PCDH1: variants seen among roughly 807,000 people sequenced by gnomAD.
The protein encoded by PCDH1 is protocadherin 1, also known as protocadherin-1.
PCDH1 carries 23 observed loss-of-function variants against 74.6 expected under a neutral mutation model. That is an observed-to-expected ratio of 0.31 (90% confidence interval 0.22 to 0.44). The LOEUF is 0.44. Ranked by LOEUF, PCDH1 falls within the 20% of genes least tolerant of loss-of-function variation. PCDH1 has a pLI of 1.00. For missense variants in PCDH1, 1,214 were observed against 1,641.4 expected, an observed-to-expected ratio of 0.74 and a Z score of 4.50; for synonymous variants, 647 against 686.1, an observed-to-expected ratio of 0.94 and a Z score of 0.89.
At chr5:141,873,009 C>T (rs750262455) in intron 1 of PCDH1, among the ~76,000 whole-genome samples, 1 of 152,126 alleles carries the variant, frequency 6.6e-6, no homozygotes, top group Non-Finnish European at 1.5e-5. Context: ...CCTTAGGAAT[C>T]TTTATTCAGG....
Position 141,854,036 on chromosome 5 carries a change from G to T in PCDH1, c.*6C>A. 3 of 1,494,538 alleles carry T rather than the reference G, an allele frequency of 2.0e-6. No homozygotes were observed. Among genetic ancestry groups the T allele is most frequent in the Non-Finnish European group, 2.7e-6 (3 of 1,122,492 alleles). 92.6% of individuals were successfully genotyped at this position (1,494,538 alleles called of 1,614,324 possible). A position where few individuals can be genotyped will look rare whatever the true frequency, so the allele number is the denominator to read the frequency against. The stretch of plus-strand genomic sequence containing the variant: ...GGGGAGGGGGGCCGGCCGGCCAGTA[G>T]GGGGCTCACAGGTAGATCTCGCGCT... On this transcript the variant is annotated 3_prime_UTR_variant, in exon 5 of 5. Coordinates refer to ENST00000287008, the MANE Select transcript of PCDH1 (RefSeq NM_032420.5).
intron 2 of PCDH1, chr5:141,866,329 C>G: frequency 2.9e-6 from 2 of 680,240 alleles, no homozygotes; most frequent in South Asian, 6.6e-5. Context: ...GGGCTCCCAG[C>G]ATCAAACAAT....
chr5:141,865,831 G>A lies in PCDH1; in HGVS notation c.904-404C>T, dbSNP rs1441040567. 6.6e-6 allele frequency among the ~76,000 whole-genome samples: 1 copy of A among 152,258 alleles called. No individual in the cohort carries two copies. Among genetic ancestry groups the A allele is most frequent in the Non-Finnish European group, 1.5e-5 (1 of 68,048 alleles). On this transcript the variant is annotated intron_variant, in intron 2 of 4. Transcript: ENST00000287008. The surrounding 1 kb of genome is among the most constrained non-coding windows in gnomAD (Gnocchi z 4.4). ...AACCCTCCTGAAGAGATGGAGAGGT[G>A]CGAGTAGTAGAGGCGGTGTGTGTGC...
chr5:141,857,579 G>T, intron 3 of PCDH1, 108 bp from the exon 4 acceptor site: 1 of 876,258 alleles, frequency 1.1e-6, no homozygotes, highest in Non-Finnish European at 1.7e-6. Flanking sequence ...GGCTTCAACA[G>T]CAACCAAGAA....
chr5:141,872,899 T>C (rs530447367), intron 1 of PCDH1, among the ~76,000 whole-genome samples: 1 of 151,886 alleles, frequency 6.6e-6, no homozygotes, highest in African/African-American at 2.4e-5. Context: ...GAAAACAGGG[T>C]TGGGGGAGAG....
chr5:141,869,412 A>G lies in PCDH1; in HGVS notation c.60T>C (p.Pro20=), dbSNP rs1441496936. Residue 20 remains proline, a synonymous_variant, in exon 2 of 5, where the codon CCT becomes CCC. Transcript: ENST00000287008. This position sits in a 1 kb window ranked among gnomAD's most constrained non-coding sequence, Gnocchi z 4.9. ...TGTGCCTCAGGTGCTCCATCCTGGG[A>G]GGCCCCAGAATCAGGAGGGCTGCAA... is the stretch of plus-strand genomic sequence containing the variant. ...CPEAALLILG[P]PRMEHLRHSP... 11 of 1,597,930 alleles carry G rather than the reference A, an allele frequency of 6.9e-6. No individual in the cohort carries two copies. Among genetic ancestry groups the G allele is most frequent in the Non-Finnish European group, 8.5e-6 (10 of 1,178,488 alleles).
At position 141,868,718 on chromosome 5, in the gene PCDH1, C is replaced by T; in HGVS notation, c.754G>A (p.Val252Met). The part of the protein sequence containing the change: ...RWDSYDLTIK[V>M]QDGGSPPRAS... The stretch of plus-strand genomic sequence containing the variant: ...CGTGGGGGGCTGCCGCCATCCTGCA[C>T]CTTGATGGTGAGGTCATAGGAGTCC... The change falls in exon 2 of 5, where the codon GTG becomes ATG. Residue 252 changes from valine to methionine, a missense_variant. Physicochemically the swap from Val to Met is conservative, Grantham distance 21. Around this residue, in one of 4 missense-constraint regions of PCDH1, gnomAD observed 836 missense variants for 1,182.2 expected, o/e 0.71. Coordinates refer to ENST00000287008, the MANE Select transcript of PCDH1 (RefSeq NM_032420.5). This position sits in a 1 kb window ranked among gnomAD's most constrained non-coding sequence, Gnocchi z 4.8. 1 of 1,614,128 alleles carries T rather than the reference C, an allele frequency of 6.2e-7. No homozygotes were observed. The highest frequency in any genetic ancestry group is 1.3e-5 in the African/African-American group (1 of 75,040).
At position 141,858,457 on chromosome 5, in the gene PCDH1, AG is replaced by A. The variant is rs1752444670; in HGVS notation, c.3100-987del. Among the ~76,000 whole-genome samples the A allele has an allele frequency of 2.0e-5, 3 of 152,080 alleles. No individual in the cohort carries two copies. The South Asian group carries it at 6.2e-4, about 32-fold the overall frequency. On this transcript the variant is annotated intron_variant, in intron 3 of 4. Transcript: ENST00000287008. The stretch of plus-strand genomic sequence containing the variant: ...AGACTCCTTCCAGGAAATAGGAAGG[AG>A]CTTCTGGGAGGGCTGCTGGCATGAG...
chr5:141,876,387 G>A (rs1378973676), intron 1 of PCDH1, among the ~76,000 whole-genome samples: 1 of 152,228 alleles, frequency 6.6e-6, no homozygotes, highest in Non-Finnish European at 1.5e-5. Context: ...CGGCGCAGCG[G>A]GCGCCAGGAG....
Position 141,865,146 on chromosome 5 carries a change from C to T in PCDH1, c.1185G>A (p.Val395=), listed in dbSNP as rs1190200648. The change falls in exon 3 of 5, where the codon GTG becomes GTA. Residue 395 remains valine, a synonymous_variant. Coordinates refer to ENST00000287008, the MANE Select transcript of PCDH1 (RefSeq NM_032420.5). The surrounding 1 kb of genome is among the most constrained non-coding windows in gnomAD (Gnocchi z 4.4). ...PTIEIRGIGL[V]THQDGMANIS... ...TGTTAGCCATCCCATCTTGATGAGT[C>T]ACTAGCCCTATGCCCCGGATCTCAA... The T allele has an allele frequency of 2.8e-5, 46 of 1,614,052 alleles. No individual in the cohort carries two copies. The highest frequency in any genetic ancestry group is 3.9e-5 in the Non-Finnish European group (46 of 1,180,036).
At position 141,865,713 on chromosome 5, in the gene PCDH1, A is replaced by T. The variant is rs549327951; in HGVS notation, c.904-286T>A. On this transcript the variant is annotated intron_variant, in intron 2 of 4. Transcript: ENST00000287008. The surrounding 1 kb of genome is among the most constrained non-coding windows in gnomAD (Gnocchi z 4.4). ...ATGGGACAGGGCAGAATTAAACCTCACTTGTCATTGCTGTATGGGTCCACA... is the reference window on the plus strand; with the variant it reads ...ATGGGACAGGGCAGAATTAAACCTCTCTTGTCATTGCTGTATGGGTCCACA... Among the ~76,000 whole-genome samples, 26 of 152,172 alleles carry T rather than the reference A, an allele frequency of 1.7e-4. No individual in the cohort carries two copies. Among genetic ancestry groups the T allele is most frequent in the Non-Finnish European group, 3.4e-4 (23 of 68,042 alleles).
At chr5:141,866,210 C>T (rs1453447239) in intron 2 of PCDH1, 2 of 985,406 alleles carry the variant, frequency 2.0e-6, no homozygotes, top group Non-Finnish European at 2.4e-6. Flanking sequence ...AGCAACTTCT[C>T]CTCCCGACTG....
chr5:141,868,866 C>T lies in PCDH1; in HGVS notation c.606G>A (p.Val202=), dbSNP rs765103837. The part of the protein sequence containing the change: ...ASDRDAGPNG[V]ASYELQAGPE... Reference sequence around the variant, plus strand: ...GCCCAGCCTGCAGCTCATAGGATGCCACACCGTTGGGACCAGCATCACGGT... The same window carrying T: ...GCCCAGCCTGCAGCTCATAGGATGCTACACCGTTGGGACCAGCATCACGGT... Residue 202 remains valine, a synonymous_variant, in exon 2 of 5, where the codon GTG becomes GTA. Coordinates refer to ENST00000287008, the MANE Select transcript of PCDH1 (RefSeq NM_032420.5). The surrounding 1 kb of genome is among the most constrained non-coding windows in gnomAD (Gnocchi z 4.8). The T allele has an allele frequency of 4.0e-5, 65 of 1,614,078 alleles. 1 individual carries two copies. In the East Asian group the frequency reaches 1.3e-3, roughly 32 times the overall value.
chr5:141,869,532 C>A lies in PCDH1; in HGVS notation c.41-101G>T, dbSNP rs746198106. The stretch of plus-strand genomic sequence containing the variant: ...CCATACTCACCCTCTCCCACTGACA[C>A]ACGATTCTCCACAAGAGCAGTCAGT... On this transcript the variant is annotated intron_variant, in intron 1 of 4. Transcript: ENST00000287008. This position sits in a 1 kb window ranked among gnomAD's most constrained non-coding sequence, Gnocchi z 4.9. 5 of 1,543,688 alleles carry A rather than the reference C, an allele frequency of 3.2e-6. No homozygotes were observed. In the African/African-American group the frequency reaches 5.4e-5, roughly 17 times the overall value.
rs961209822 is a variant in PCDH1, at chr5:141,865,679, C to T, written c.904-252G>A. Among the ~76,000 whole-genome samples the T allele has an allele frequency of 2.0e-5, 3 of 152,184 alleles. No individual in the cohort carries two copies. Among genetic ancestry groups the T allele is most frequent in the Non-Finnish European group, 4.4e-5 (3 of 68,044 alleles). On this transcript the variant is annotated intron_variant, in intron 2 of 4. Coordinates refer to ENST00000287008, the MANE Select transcript of PCDH1 (RefSeq NM_032420.5). The surrounding 1 kb of genome is among the most constrained non-coding windows in gnomAD (Gnocchi z 4.4). ...AAATCCTCAACAGTGCTACAGGCAA[C>T]TATTGGAGATGGGACAGGGCAGAAT...
rs551580975 is a variant in PCDH1, at chr5:141,868,335, G to A, written c.903+234C>T. 9.8e-5 allele frequency among the ~76,000 whole-genome samples: 15 copies of A among 152,296 alleles called. No individual in the cohort carries two copies. The highest frequency in any genetic ancestry group is 7.7e-4 in the East Asian group (4 of 5,188). ...AGCTTGAGTCTGCCTTAGGGGTCAC[G>A]GGAAACTGTTCATATGCTATTTCAC... On this transcript the variant is annotated intron_variant, in intron 2 of 4. Coordinates refer to ENST00000287008, the MANE Select transcript of PCDH1 (RefSeq NM_032420.5). This position sits in a 1 kb window ranked among gnomAD's most constrained non-coding sequence, Gnocchi z 4.8.
chr5:141,856,269 G>A (rs1021499350), intron 4 of PCDH1: 21 of 1,535,440 alleles, frequency 1.4e-5, no homozygotes, highest in Admixed American at 7.8e-5. Flanking sequence ...GGCTCTGCGC[G>A]GGCACAAAAA....
intron 1 of PCDH1, among the ~76,000 whole-genome samples, chr5:141,872,079 C>T (rs1753107450): frequency 6.6e-6 from 1 of 151,872 alleles, no homozygotes; most frequent in Non-Finnish European, 1.5e-5. Context: ...ATGTTAATCT[C>T]TTTAAAGGAA....
At position 141,868,854 on chromosome 5, in the gene PCDH1, C is replaced by G. The variant is rs939034002; in HGVS notation, c.618G>C (p.Glu206Asp). 5 of 1,614,230 alleles carry G rather than the reference C, an allele frequency of 3.1e-6. No individual in the cohort carries two copies. Among genetic ancestry groups the G allele is most frequent in the Non-Finnish European group, 4.2e-6 (5 of 1,180,046 alleles). ...DAGPNGVASYELQAGPEAQEL... is the reference protein window; with the variant it reads ...DAGPNGVASYDLQAGPEAQEL... ...CCTGGGCCTCAGGCCCAGCCTGCAG[C>G]TCATAGGATGCCACACCGTTGGGAC... Residue 206 changes from glutamate to aspartate, a missense_variant, in exon 2 of 5, where the codon GAG (glutamate) becomes GAC (aspartate). This residue lies in a region of PCDH1 where 836 missense variants were observed against 1,182.2 expected (regional missense o/e 0.71). Coordinates refer to ENST00000287008, the MANE Select transcript of PCDH1 (RefSeq NM_032420.5). This position sits in a 1 kb window ranked among gnomAD's most constrained non-coding sequence, Gnocchi z 4.8.
Sources: gnomAD v4.1 joint callset for allele counts (sites outside exome capture counted in the v4.1 genomes callset) on GRCh38, gnomAD v4.1.1 for gene constraint, gnomAD v4.1.1 regional missense constraint, Gnocchi (gnomAD v3.1) non-coding constraint, MANE v1.5 for transcripts, NCBI Gene and HGNC (gene_info 2026-07-23, HGNC 2026-07-21) for gene names.